Variants in PUS7L observed in about 807,000 individuals in gnomAD.
The protein encoded by PUS7L is pseudouridylate synthase PUS7L.
PUS7L carries 49 observed loss-of-function variants against 51.1 expected under a neutral mutation model. The observed-to-expected ratio is 0.96, with a 90% confidence interval of 0.76 to 1.22. The LOEUF (loss-of-function observed/expected upper bound fraction) is 1.22, where lower values mean the gene tolerates loss of function less well. Among genes scored for constraint, PUS7L ranks in the 50% most tolerant of loss-of-function variants. The probability of loss-of-function intolerance (pLI) is 0.00; values close to 1 mark genes in which losing one functional copy is unlikely to be tolerated. For missense variants in PUS7L, 828 were observed against 820.6 expected (o/e 1.01, Z -0.11); for synonymous variants, 277 against 276.2 (o/e 1.00, Z -0.03).
Position 43,723,374 on chromosome 12 carries a change from A to G in PUS7L, c.*7002T>C, listed in dbSNP as rs1047667276. 1.1e-4 allele frequency: 16 copies of G among 152,158 alleles called. No homozygotes were observed. The highest frequency in any genetic ancestry group is 1.8e-4 in the Non-Finnish European group (12 of 67,970). 9.4% of individuals were successfully genotyped at this position (152,158 alleles called of 1,614,324 possible). A position where few individuals can be genotyped will look rare whatever the true frequency, so the allele number is the denominator to read the frequency against. On this transcript the variant is annotated 3_prime_UTR_variant, in exon 9 of 9. Transcript: ENST00000344862. Reference sequence around the variant, plus strand: ...TTTTAGAAAGCAGCATTTAGACTGAATAGTTCAAAGCATATTTTAAGAGGA... The same window carrying G: ...TTTTAGAAAGCAGCATTTAGACTGAGTAGTTCAAAGCATATTTTAAGAGGA...
Position 43,754,324 on chromosome 12 carries a change from T to A in PUS7L, c.910+12A>T. 6.6e-7 allele frequency: 1 copy of A among 1,504,302 alleles called. No individual in the cohort carries two copies. The highest frequency in any genetic ancestry group is 2.3e-5 in the East Asian group (1 of 44,150). The allele number at this position is 1,504,302 out of a possible 1,614,324, so 93.2% of individuals were successfully genotyped here. A position where few individuals can be genotyped will look rare whatever the true frequency, so the allele number is the denominator to read the frequency against. ...CTTATCCAAGAAAATGGATGATGAT[T>A]TATTAAATTACCTGTATATATAACT... On this transcript the variant is annotated intron_variant, in intron 2 of 8. Transcript: ENST00000344862.
At chr12:43,749,983 A>G (rs140110768) in intron 2 of PUS7L, among the ~76,000 whole-genome samples, 32 of 152,322 alleles carry the variant, frequency 2.1e-4, no homozygotes, top group African/African-American at 7.7e-4. Flanking sequence ...CGTACCCCAA[A>G]TCTCAGCATC....
intron 2 of PUS7L, among the ~76,000 whole-genome samples, chr12:43,749,913 C>G (rs1938361777): frequency 6.6e-6 from 1 of 152,088 alleles, no homozygotes; most frequent in Non-Finnish European, 1.5e-5. Context: ...GGAGGAAGGG[C>G]ATAAGGCTGA....
chr12:43,736,758 G>A lies in PUS7L; in HGVS notation c.1445-97C>T, dbSNP rs1010864124. ...AATCTCAAACTGAGGCAATGAACAT[G>A]GGTATTAAGATGATATTCAACACTT... On this transcript the variant is annotated intron_variant, in intron 6 of 8. Transcript: ENST00000344862. The A allele has an allele frequency of 6.5e-6, 7 of 1,081,498 alleles. No homozygotes were observed. The African/African-American group carries it at 1.1e-4, about 17-fold the overall frequency. 67.0% of individuals were successfully genotyped at this position (1,081,498 alleles called of 1,614,324 possible). A position where few individuals can be genotyped will look rare whatever the true frequency, so the allele number is the denominator to read the frequency against.
chr12:43,752,545 T>C (rs554338071), intron 2 of PUS7L, among the ~76,000 whole-genome samples: 8 of 152,342 alleles, frequency 5.3e-5, no homozygotes, highest in Middle Eastern at 3.4e-3. Context: ...TGGGGTATTA[T>C]TCAGCCTTAA....
At chr12:43,754,013 T>A (rs1268615747) in intron 2 of PUS7L, among the ~76,000 whole-genome samples, 1 of 152,166 alleles carries the variant, frequency 6.6e-6, no homozygotes, top group Non-Finnish European at 1.5e-5. Flanking sequence ...GAAATCAAGA[T>A]TTACCTTCAA....
At position 43,721,208 on chromosome 12, in the gene PUS7L, T is replaced by C. The variant is rs1314197171; in HGVS notation, c.*9168A>G. The C allele has an allele frequency of 1.3e-5, 2 of 152,124 alleles. No homozygotes were observed. The highest frequency in any genetic ancestry group is 1.5e-5 in the Non-Finnish European group (1 of 67,998). The allele number at this position is 152,124 out of a possible 1,614,324, so 9.4% of individuals were successfully genotyped here. On this transcript the variant is annotated 3_prime_UTR_variant, in exon 9 of 9. Transcript: ENST00000344862. ...AGAGCAAGTGGTTATCATCATGCCC[T>C]TAAAACCAAAAAGGGCCAGGTTAGA...
At chr12:43,730,958 CT>C (rs1240206978) in intron 8 of PUS7L, among the ~76,000 whole-genome samples, 1 of 152,144 alleles carries the variant, frequency 6.6e-6, no homozygotes, top group Non-Finnish European at 1.5e-5. Flanking sequence ...AAACAATCCA[CT>C]GTTTAAGAAG....
At chr12:43,744,570 T>C (rs1220045224) in intron 4 of PUS7L, among the ~76,000 whole-genome samples, 1 of 152,190 alleles carries the variant, frequency 6.6e-6, no homozygotes, top group Non-Finnish European at 1.5e-5. Flanking sequence ...CAGTCTCGGG[T>C]ATTTCTTCAT....
rs936600375 is a variant in PUS7L at position 43,748,529 on chromosome 12, C to G, written c.991G>C (p.Asp331His). ...TCTTTAAGGCCTGCATAACTAAAATCCGAAGGAATAACACCAAGTTTGATA... is the reference window on the plus strand; with the variant it reads ...TCTTTAAGGCCTGCATAACTAAAATGCGAAGGAATAACACCAAGTTTGATA... ...LAIKLGVIPS[D>H]FSYAGLKDKK... The change falls in exon 3 of 9, where the codon GAT becomes CAT. Residue 331 changes from aspartate to histidine, a missense_variant. Asp to His is a moderately conservative substitution (Grantham distance 81). Coordinates refer to ENST00000344862, the MANE Select transcript of PUS7L (RefSeq NM_031292.5). 1.2e-6 allele frequency: 2 copies of G among 1,611,770 alleles called. No individual in the cohort carries two copies. Among genetic ancestry groups the G allele is most frequent in the African/African-American group, 2.7e-5 (2 of 74,840 alleles).
chr12:43,746,954 T>G (rs548182113), intron 3 of PUS7L, among the ~76,000 whole-genome samples: 2 of 152,310 alleles, frequency 1.3e-5, no homozygotes, highest in African/African-American at 4.8e-5. Context: ...TAAATACACT[T>G]TAACATCTAA....
At position 43,755,029 on chromosome 12, in the gene PUS7L, GT is replaced by G; in HGVS notation, c.216del (p.Lys72AsnfsTer2). 6.2e-7 allele frequency: 1 copy of G among 1,613,018 alleles called. No homozygotes were observed. Among genetic ancestry groups the G allele is most frequent in the Non-Finnish European group, 8.5e-7 (1 of 1,179,510 alleles). ...LEPNNFPKKP[K>X]LDLQNLSLED... ...TCTAAGGACAGATTTTGAAGATCTA[GT>G]TTTGGTTTTTTGGGAAAATTATTTG... On this transcript the variant is annotated frameshift_variant, in exon 2 of 9. Transcript: ENST00000344862. LOFTEE classifies it high-confidence loss of function.
At chr12:43,742,767 A>G (rs368884052) in intron 4 of PUS7L, 20 of 464,176 alleles carry the variant, frequency 4.3e-5, no homozygotes, top group Non-Finnish European at 5.4e-5. Context: ...AAACCAATGA[A>G]GAAAACTTTA....
At position 43,754,857 on chromosome 12, in the gene PUS7L, T is replaced by C. The variant is rs748931151; in HGVS notation, c.389A>G (p.Asp130Gly). ...EKADVLSSFL[D>G]EKTHELLNNF... is the part of the protein sequence containing the mutation. ...ATTCAGTAACTCATGAGTTTTTTCA[T>C]CCAAAAAGGAGCTTAAAACATCAGC... The change falls in exon 2 of 9, where the codon GAT (aspartate) becomes GGT (glycine). Residue 130 changes from aspartate (D) to glycine (G), a missense_variant. Physicochemically the swap from Asp to Gly is moderately conservative, Grantham distance 94. Coordinates refer to ENST00000344862, the MANE Select transcript of PUS7L (RefSeq NM_031292.5). The C allele has an allele frequency of 1.9e-6, 3 of 1,613,432 alleles. No homozygotes were observed. In the Admixed American group the frequency reaches 5.0e-5, roughly 27 times the overall value.
intron 3 of PUS7L, among the ~76,000 whole-genome samples, chr12:43,746,501 T>C (rs1048465722): frequency 1.8e-4 from 28 of 152,324 alleles, no homozygotes; most frequent in African/African-American, 6.5e-4. Flanking sequence ...TTCTGACTTC[T>C]CCTTAGCTCG....
Position 43,728,623 on chromosome 12 carries a change from T to A in PUS7L, c.*1753A>T, listed in dbSNP as rs1486669657. ...AATATCCAATTTTGTGTATTGAGAA[T>A]TATTTATTGCCAAAACATATAACAA... is the stretch of plus-strand genomic sequence containing the variant. On this transcript the variant is annotated 3_prime_UTR_variant, in exon 9 of 9. Coordinates refer to ENST00000344862, the MANE Select transcript of PUS7L (RefSeq NM_031292.5). 1 of 152,096 alleles carries A rather than the reference T, an allele frequency of 6.6e-6. No individual in the cohort carries two copies. Among genetic ancestry groups the A allele is most frequent in the African/African-American group, 2.4e-5 (1 of 41,438 alleles). The allele number at this position is 152,096 out of a possible 1,614,324, so 9.4% of individuals were successfully genotyped here. A position where few individuals can be genotyped will look rare whatever the true frequency, so the allele number is the denominator to read the frequency against.
chr12:43,733,480 A>G (rs1369090059), intron 7 of PUS7L, among the ~76,000 whole-genome samples: 1 of 152,208 alleles, frequency 6.6e-6, no homozygotes, highest in African/African-American at 2.4e-5. Context: ...CAAAATATGT[A>G]GGAGAAAATG....
chr12:43,749,853 T>C (rs1467100982), intron 2 of PUS7L, among the ~76,000 whole-genome samples: 1 of 151,942 alleles, frequency 6.6e-6, no homozygotes, highest in Non-Finnish European at 1.5e-5. Context: ...TGGGTACACA[T>C]AGACATAAAA....
At chr12:43,732,922 G>C (rs549827942) in intron 7 of PUS7L, among the ~76,000 whole-genome samples, 62 of 152,224 alleles carry the variant, frequency 4.1e-4, no homozygotes, top group African/African-American at 1.3e-3. Context: ...GATCTCTCTT[G>C]CATCACCATT....
Sources: allele counts gnomAD v4.1 joint callset (sites outside exome capture counted in the v4.1 genomes callset), GRCh38; gene constraint gnomAD v4.1.1; transcripts MANE v1.5; gene names NCBI Gene and HGNC (gene_info 2026-07-23, HGNC 2026-07-21).